WDR27: variants seen among roughly 807,000 people sequenced by gnomAD.
WDR27 encodes WD repeat-containing protein 27.
Under a neutral mutation model 114.4 loss-of-function variants are expected in WDR27, and 100 were observed. That is an observed-to-expected ratio of 0.87 (90% CI 0.74 to 1.03). WDR27 has a LOEUF of 1.03. Among genes scored for constraint, WDR27 ranks in the 50% least tolerant of loss-of-function variants. The pLI is 0.00. For missense variants in WDR27, 1,129 were observed against 1,092.9 expected (o/e 1.03, Z -0.47); for synonymous variants, 449 against 423.1 (o/e 1.06, Z -0.75).
chr6:169,516,782 T>C (rs1793704210), intron 25 of WDR27, among the ~76,000 whole-genome samples: 1 of 69,400 alleles, frequency 1.4e-5, no homozygotes, highest in South Asian at 4.2e-4. Flanking sequence ...GTTAAAGGCA[T>C]GCTCCAACAC....
chr6:169,546,126 C>T (rs956874357), intron 25 of WDR27, among the ~76,000 whole-genome samples: 15 of 152,124 alleles, frequency 9.9e-5, no homozygotes, highest in African/African-American at 3.1e-4. Flanking sequence ...GTGACAACAT[C>T]AAATGCTGGC....
intron 25 of WDR27, among the ~76,000 whole-genome samples, chr6:169,544,582 G>GCAC (rs1315102474): frequency 1.3e-5 from 2 of 151,998 alleles, no homozygotes; most frequent in Admixed American, 6.6e-5. Context: ...GGGACCACAG[G>GCAC]CACCACCACG....
intron 24 of WDR27, among the ~76,000 whole-genome samples, chr6:169,582,616 A>T (rs761310581): frequency 7.9e-5 from 12 of 152,170 alleles, no homozygotes; most frequent in Admixed American, 2.6e-4. Context: ...CCTTCATTAT[A>T]AAAGAAACTT....
At chr6:169,516,835 A>ACC (rs1554278333) in intron 25 of WDR27, among the ~76,000 whole-genome samples, 30 of 144,554 alleles carry the variant, frequency 2.1e-4, no homozygotes, top group Admixed American at 5.5e-4. Context: ...ACACACACAC[A>ACC]CCCCTCCCTT....
In WDR27 at chr6:169,636,381, C is replaced by A; in HGVS notation, c.1993G>T (p.Glu665Ter). 6.2e-7 allele frequency: 1 copy of A among 1,613,762 alleles called. No homozygotes were observed. Among genetic ancestry groups the A allele is most frequent in the Non-Finnish European group, 8.5e-7 (1 of 1,179,838 alleles). Reference sequence around the variant, plus strand: ...GCGGGGGGTGCCTACCTCTTAATCTCATCTTTGCAAGTGTCAATGTGATAC... The same window carrying A: ...GCGGGGGGTGCCTACCTCTTAATCTAATCTTTGCAAGTGTCAATGTGATAC... ...LRYHIDTCKD[E>*]IKRYKQKSKS... The change falls in exon 19 of 26, where the codon GAG becomes TAG. Residue 665 changes from glutamate to a stop codon, truncating the protein, a stop_gained. Transcript: ENST00000448612. LOFTEE classifies it high-confidence loss of function.
At chr6:169,436,515 T>C in the WDR27 span, among the ~76,000 whole-genome samples, 6 of 152,230 alleles carry the variant, frequency 3.9e-5, no homozygotes, top group Non-Finnish European at 5.9e-5. Flanking sequence ...GATGAACACC[T>C]GATATTCACA....
At chr6:169,584,068 C>CCTCCCT (rs1804101201) in intron 23 of WDR27, among the ~76,000 whole-genome samples, 5 of 152,306 alleles carry the variant, frequency 3.3e-5, no homozygotes, top group South Asian at 2.1e-4. Context: ...TCCCCCTCCC[C>CCTCCCT]GCCTATGTCT....
chr6:169,574,554 A>G (rs989115202), intron 24 of WDR27, among the ~76,000 whole-genome samples: 1 of 152,194 alleles, frequency 6.6e-6, no homozygotes, highest in Non-Finnish European at 1.5e-5. Flanking sequence ...ACTCGAAAGC[A>G]GGGTTCCCAG....
In WDR27 at chr6:169,551,747, AAAAAAAAAG is replaced by A. The variant is rs1440348108; in HGVS notation, c.2645+20663_2645+20671del. On this transcript the variant is annotated intron_variant, in intron 25 of 25. Transcript: ENST00000448612. ...AGCGAGACTCCATCTCAAAAAAAAAAAAAAAAAAGAAAAAGAAAAGAAAAGAAAAAACGT... is the reference window on the plus strand; with the variant it reads ...AGCGAGACTCCATCTCAAAAAAAAAAAAAAAGAAAAGAAAAGAAAAAACGT... 2.8e-5 allele frequency among the ~76,000 whole-genome samples: 4 copies of A among 143,326 alleles called. No homozygotes were observed. In the East Asian group the frequency reaches 6.3e-4, roughly 22 times the overall value. 94.0% of individuals were successfully genotyped at this position (143,326 alleles called of 152,430 possible). A position where few individuals can be genotyped will look rare whatever the true frequency, so the allele number is the denominator to read the frequency against.
At chr6:169,650,308 C>T (rs1822011169) in intron 14 of WDR27, among the ~76,000 whole-genome samples, 1 of 147,618 alleles carries the variant, frequency 6.8e-6, no homozygotes, top group African/African-American at 2.5e-5. Context: ...CTGCATCCCT[C>T]CATCCCCTCC....
At chr6:169,592,033 G>A (rs559082759) in intron 23 of WDR27, among the ~76,000 whole-genome samples, 7 of 152,114 alleles carry the variant, frequency 4.6e-5, no homozygotes, top group South Asian at 4.2e-4. Flanking sequence ...AGCACCTTCC[G>A]TGGCAGGAGC....
chr6:169,697,032 C>T (rs1786272085), intron 1 of WDR27, among the ~76,000 whole-genome samples: 3 of 152,150 alleles, frequency 2.0e-5, no homozygotes. Context: ...GGTGCCGAGG[C>T]AAGAGACCGA....
intron 17 of WDR27, among the ~76,000 whole-genome samples, chr6:169,641,483 A>G (rs1343046866): frequency 1.3e-5 from 2 of 152,146 alleles, no homozygotes; most frequent in South Asian, 2.1e-4. Flanking sequence ...AAGCTTCAGA[A>G]ACAGAGTGAA....
intron 25 of WDR27, among the ~76,000 whole-genome samples, chr6:169,555,387 GACCAGTGC>G (rs921334885): frequency 7.2e-5 from 11 of 152,226 alleles, no homozygotes; most frequent in Middle Eastern, 3.4e-3. Flanking sequence ...GGGCTCTGGG[GACCAGTGC>G]ACCAGAGAAG....
intron 25 of WDR27, among the ~76,000 whole-genome samples, chr6:169,566,081 AAT>A (rs1800421974): frequency 2.1e-5 from 3 of 143,430 alleles, no homozygotes; most frequent in South Asian, 4.4e-4. Flanking sequence ...AACATTTTGT[AAT>A]GTATTGTTAC....
chr6:169,623,922 A>G (rs1277062389), intron 21 of WDR27, among the ~76,000 whole-genome samples: 1 of 152,130 alleles, frequency 6.6e-6, no homozygotes, highest in African/African-American at 2.4e-5. Context: ...CAGCCTGAGC[A>G]AAAAGAAGGT....
At chr6:169,664,016 A>G in intron 8 of WDR27, 150 bp downstream of exon 8, 1 of 719,628 alleles carries the variant, frequency 1.4e-6, no homozygotes, top group East Asian at 3.1e-5. Context: ...CATGACCTGC[A>G]GGGCCTCAGT....
chr6:169,567,673 T>C (rs1584269853), intron 25 of WDR27, among the ~76,000 whole-genome samples: 1 of 152,054 alleles, frequency 6.6e-6, no homozygotes, highest in African/African-American at 2.4e-5. Context: ...ACAATAAAAC[T>C]GTACTGCCGG....
At chr6:169,432,119 A>ACACACTG in the WDR27 span, among the ~76,000 whole-genome samples, 2 of 152,202 alleles carry the variant, frequency 1.3e-5, no homozygotes, top group Non-Finnish European at 2.9e-5. Context: ...ACACACACAA[A>ACACACTG]CATTTTTAGC....
Sources: gnomAD v4.1 joint callset for allele counts (sites outside exome capture counted in the v4.1 genomes callset) on GRCh38, gnomAD v4.1.1 for gene constraint, MANE v1.5 for transcripts, NCBI Gene and HGNC (gene_info 2026-07-23, HGNC 2026-07-21) for gene names.